CCSER1: variants seen among roughly 807,000 people sequenced by gnomAD.
The protein encoded by CCSER1 is coiled-coil serine rich protein 1, also known as serine-rich coiled-coil domain-containing protein 1.
In CCSER1, 41 loss-of-function variants were observed where a neutral mutation model predicts 82.0. The ratio of observed to expected loss-of-function variants is 0.50; its 90% CI spans 0.39 to 0.65. The LOEUF (loss-of-function observed/expected upper bound fraction) is 0.65, where lower values mean the gene tolerates loss of function less well. CCSER1 is among the 30% of genes least tolerant of loss of function. The probability of loss-of-function intolerance (pLI) is 0.00; values close to 1 mark genes in which losing one functional copy is unlikely to be tolerated. For missense variants in CCSER1, 1,119 were observed against 1,064.2 expected (o/e 1.05, Z -0.72); for synonymous variants, 414 against 383.9 (o/e 1.08, Z -0.92).
Position 91,333,194 on chromosome 4 carries a change from T to A in CCSER1, c.2217+247200T>A, listed in dbSNP as rs143331254. Among the ~76,000 whole-genome samples the A allele has an allele frequency of 2.2e-4, 34 of 151,902 alleles. No homozygotes were observed. The East Asian group carries it at 6.6e-3, about 29-fold the overall frequency. ...CATACCATTATGGTTGGATTGATAG[T>A]CCTGAAAAAAAAGAATTCTGAATAC... On this transcript the variant is annotated intron_variant, in intron 10 of 10. Transcript: ENST00000509176.
At chr4:90,571,477 A>G (rs1780110502) in intron 5 of CCSER1, among the ~76,000 whole-genome samples, 1 of 152,188 alleles carries the variant, frequency 6.6e-6, no homozygotes, top group Admixed American at 6.5e-5. Context: ...CATTATCCTA[A>G]GAAGATTAAT....
chr4:91,443,415 A>G (rs1755331737), intron 10 of CCSER1, among the ~76,000 whole-genome samples: 1 of 150,414 alleles, frequency 6.6e-6, no homozygotes, highest in Admixed American at 6.7e-5. Flanking sequence ...ACAAAAAACC[A>G]AACACTGCAT....
intron 5 of CCSER1, among the ~76,000 whole-genome samples, chr4:90,562,855 A>ATT (rs1560723645): frequency 5.4e-5 from 8 of 147,812 alleles, no homozygotes; most frequent in African/African-American, 2.0e-4. Context: ...TTTTTTTTAA[A>ATT]AAAAAAAAAA....
chr4:90,839,059 C>T (rs1431369153), intron 8 of CCSER1: 3 of 1,606,436 alleles, frequency 1.9e-6, no homozygotes, highest in Non-Finnish European at 1.7e-6. Flanking sequence ...AAAAGCGGAG[C>T]GAGGCGCGCG....
At chr4:90,815,351 G>A (rs1046189650) in intron 7 of CCSER1, among the ~76,000 whole-genome samples, 17 of 152,122 alleles carry the variant, frequency 1.1e-4, no homozygotes, top group African/African-American at 4.1e-4. Context: ...ACTGAGCCAA[G>A]CCATATCAGT....
chr4:91,431,457 A>G (rs557065931), intron 10 of CCSER1, among the ~76,000 whole-genome samples: 314 of 151,582 alleles, frequency 2.1e-3, no homozygotes, highest in African/African-American at 7.4e-3. Context: ...CATACACAGC[A>G]TTTCTTCCCT....
At chr4:91,508,035 A>G (rs1196465142) in intron 10 of CCSER1, among the ~76,000 whole-genome samples, 1 of 149,380 alleles carries the variant, frequency 6.7e-6, no homozygotes, top group Non-Finnish European at 1.5e-5. Context: ...CTCTCAATAA[A>G]GAAAGTTTTA....
At chr4:90,356,385 T>G (rs1744380290) in intron 3 of CCSER1, among the ~76,000 whole-genome samples, 2 of 151,722 alleles carry the variant, frequency 1.3e-5, no homozygotes, top group Admixed American at 6.6e-5. Flanking sequence ...TTGAAATGAT[T>G]GTATTTATAA....
chr4:90,801,619 T>G (rs1756821145), intron 7 of CCSER1, among the ~76,000 whole-genome samples: 1 of 152,196 alleles, frequency 6.6e-6, no homozygotes, highest in Non-Finnish European at 1.5e-5. Context: ...AAAATACATT[T>G]CTAACATACT....
chr4:90,691,566 A>G (rs550749004), intron 6 of CCSER1, among the ~76,000 whole-genome samples: 12 of 151,828 alleles, frequency 7.9e-5, no homozygotes, highest in East Asian at 7.8e-4. Flanking sequence ...ATGTGTGTAT[A>G]TCACATGTAT....
At chr4:90,294,251 C>T (rs1731449194) in intron 1 of CCSER1, among the ~76,000 whole-genome samples, 1 of 151,922 alleles carries the variant, frequency 6.6e-6, no homozygotes, top group African/African-American at 2.4e-5. Context: ...GTGGCTCATG[C>T]CTGTAATCCC....
At chr4:90,438,993 C>T (rs1252919953) in intron 4 of CCSER1, among the ~76,000 whole-genome samples, 1 of 152,056 alleles carries the variant, frequency 6.6e-6, no homozygotes, top group Non-Finnish European at 1.5e-5. Flanking sequence ...TGCTATTATT[C>T]ATTTTTTTAA....
intron 9 of CCSER1, among the ~76,000 whole-genome samples, chr4:90,999,421 A>G (rs1737796818): frequency 6.6e-6 from 1 of 152,180 alleles, no homozygotes; most frequent in Non-Finnish European, 1.5e-5. Flanking sequence ...AATAATAGCC[A>G]TTCTTACTGG....
intron 10 of CCSER1, among the ~76,000 whole-genome samples, chr4:91,443,058 A>G (rs1755296670): frequency 1.3e-5 from 2 of 152,090 alleles, no homozygotes; most frequent in Admixed American, 1.3e-4. Flanking sequence ...TGTGGAAGTC[A>G]GTGTGGTGAT....
intron 3 of CCSER1, among the ~76,000 whole-genome samples, chr4:90,387,824 T>A (rs932950426): frequency 6.6e-6 from 1 of 152,166 alleles, no homozygotes; most frequent in Non-Finnish European, 1.5e-5. Flanking sequence ...ATGTGTCTTT[T>A]CCCTTGGCTG....
intron 10 of CCSER1, among the ~76,000 whole-genome samples, chr4:91,143,118 G>A (rs936207477): frequency 2.0e-5 from 3 of 151,970 alleles, no homozygotes; most frequent in South Asian, 4.1e-4. Flanking sequence ...TGAACATGGA[G>A]TATTTTTTTC....
intron 3 of CCSER1, among the ~76,000 whole-genome samples, chr4:90,394,580 C>T (rs1751692178): frequency 6.6e-6 from 1 of 152,130 alleles, no homozygotes; most frequent in Non-Finnish European, 1.5e-5. Flanking sequence ...CTACATAAAT[C>T]TTACATACCA....
Position 90,946,618 on chromosome 4 carries a change from G to T in CCSER1, c.2172+23171G>T, listed in dbSNP as rs1344558479. Among the ~76,000 whole-genome samples the T allele has an allele frequency of 3.3e-5, 3 of 89,680 alleles. No individual in the cohort carries two copies. The South Asian group carries it at 9.2e-4, about 28-fold the overall frequency. 58.8% of individuals were successfully genotyped at this position (89,680 alleles called of 152,430 possible). A position where few individuals can be genotyped will look rare whatever the true frequency, so the allele number is the denominator to read the frequency against. On this transcript the variant is annotated intron_variant, in intron 9 of 10. Transcript: ENST00000509176. ...TGCACTCCAGCCTGGAGGCAAGACT[G>T]CACCTCAAAAAAAAAAAAAAAAGAG...
intron 10 of CCSER1, among the ~76,000 whole-genome samples, chr4:91,227,128 C>A (rs564223035): frequency 1.4e-4 from 22 of 151,872 alleles, no homozygotes; most frequent in Non-Finnish European, 2.4e-4. Context: ...GCATAAGAAA[C>A]CTTGACTTAT....
Sources: allele counts gnomAD v4.1 joint callset (sites outside exome capture counted in the v4.1 genomes callset), GRCh38; gene constraint gnomAD v4.1.1; transcripts MANE v1.5; gene names NCBI Gene and HGNC (gene_info 2026-07-23, HGNC 2026-07-21).